SPATS2L: variants seen among roughly 807,000 people sequenced by gnomAD.
The protein encoded by SPATS2L is SPATS2-like protein.
SPATS2L carries 30 observed loss-of-function variants against 59.6 expected under a neutral mutation model. The observed-to-expected ratio is 0.50, with a 90% CI of 0.38 to 0.68. The LOEUF (loss-of-function observed/expected upper bound fraction) is 0.68. Ranked by LOEUF, SPATS2L falls within the 30% of genes least tolerant of loss-of-function variation. The pLI is 0.00. For synonymous variants in SPATS2L, 252 were observed against 263.5 expected, an observed-to-expected ratio of 0.96 and a Z score of 0.42; for missense variants, 615 against 700.0, an observed-to-expected ratio of 0.88 and a Z score of 1.37.
At chr2:200,399,369 C>T (rs1054848790) in intron 3 of SPATS2L, among the ~76,000 whole-genome samples, 1 of 152,120 alleles carries the variant, frequency 6.6e-6, no homozygotes, top group African/African-American at 2.4e-5. Flanking sequence ...CCTCAAGATT[C>T]ATCAGTGTTG....
chr2:200,394,280 T>G (rs971058834), intron 3 of SPATS2L, among the ~76,000 whole-genome samples: 1 of 152,150 alleles, frequency 6.6e-6, no homozygotes, highest in South Asian at 2.1e-4. Flanking sequence ...CACCCTGACC[T>G]TGAATGTGTC....
At chr2:200,417,602 T>C (rs968324215) in intron 5 of SPATS2L, among the ~76,000 whole-genome samples, 1 of 152,066 alleles carries the variant, frequency 6.6e-6, no homozygotes, top group South Asian at 2.1e-4. Flanking sequence ...AGGAAAATGG[T>C]CTCCCAGCCA....
chr2:200,427,842 A>G (rs1314330045), intron 6 of SPATS2L, among the ~76,000 whole-genome samples: 1 of 152,176 alleles, frequency 6.6e-6, no homozygotes, highest in Non-Finnish European at 1.5e-5. Context: ...CTTGCAAATC[A>G]AAGTATATAA....
chr2:200,419,313 G>T lies in SPATS2L; in HGVS notation c.262G>T (p.Val88Leu), dbSNP rs748119026. 6 of 1,606,400 alleles carry T rather than the reference G, an allele frequency of 3.7e-6. No individual in the cohort carries two copies. Among genetic ancestry groups the T allele is most frequent in the Middle Eastern group, 1.7e-4 (1 of 6,054 alleles). ...AGGCAACAAAGATGCTAAAGACAAGGTGGAGAGGCCTGAGGCAGGGCCCCT... is the reference window on the plus strand; with the variant it reads ...AGGCAACAAAGATGCTAAAGACAAGTTGGAGAGGCCTGAGGCAGGGCCCCT... ...HQGNKDAKDK[V>L]ERPEAGPLQP... Residue 88 changes from valine (V) to leucine (L), a missense_variant, in exon 6 of 13, where the codon GTG becomes TTG. Val to Leu is a conservative substitution (Grantham distance 32, BLOSUM62 1). Coordinates refer to ENST00000409140, the MANE Select transcript of SPATS2L (RefSeq NM_001100423.2).
intron 1 of SPATS2L, chr2:200,308,918 G>T: frequency 1.6e-6 from 1 of 634,806 alleles, no homozygotes. Flanking sequence ...TCAGTAAATA[G>T]TTTTTCTGCA....
intron 8 of SPATS2L, among the ~76,000 whole-genome samples, chr2:200,444,600 T>G (rs1005128294): frequency 1.3e-5 from 2 of 152,162 alleles, no homozygotes; most frequent in African/African-American, 4.8e-5. Flanking sequence ...TGTGAAAGCA[T>G]GTATTCTGTA....
intron 6 of SPATS2L, among the ~76,000 whole-genome samples, chr2:200,422,271 TCA>T (rs1415911875): frequency 2.0e-5 from 3 of 152,216 alleles, no homozygotes; most frequent in African/African-American, 7.2e-5. Flanking sequence ...GCTTGGTGAC[TCA>T]CACTTGTCAT....
At chr2:200,350,634 G>A (rs1201255149) in intron 2 of SPATS2L, among the ~76,000 whole-genome samples, 5 of 151,914 alleles carry the variant, frequency 3.3e-5, no homozygotes, top group South Asian at 2.1e-4. Flanking sequence ...AGCGATATTC[G>A]TGCCTCAGCC....
At chr2:200,449,272 A>G (rs1484012353) in intron 8 of SPATS2L, among the ~76,000 whole-genome samples, 1 of 152,242 alleles carries the variant, frequency 6.6e-6, no homozygotes, top group African/African-American at 2.4e-5. Flanking sequence ...TGATAAATAC[A>G]AAAAGTACTG....
chr2:200,411,393 A>G (rs899024830), intron 3 of SPATS2L, among the ~76,000 whole-genome samples: 6 of 152,198 alleles, frequency 3.9e-5, no homozygotes, highest in African/African-American at 1.4e-4. Context: ...TCTAAAACCC[A>G]CTGATCATAA....
At chr2:200,416,303 A>G (rs536320792) in intron 4 of SPATS2L, 76 bp from the exon 5 acceptor site, 28 of 641,904 alleles carry the variant, frequency 4.4e-5, no homozygotes, top group African/African-American at 4.0e-4. Flanking sequence ...TGCTACCAAG[A>G]TGGAAAGACA....
intron 8 of SPATS2L, among the ~76,000 whole-genome samples, chr2:200,445,163 A>G (rs1464652951): frequency 1.3e-5 from 2 of 151,590 alleles, no homozygotes; most frequent in African/African-American, 2.4e-5. Flanking sequence ...GAAAAAAAAA[A>G]TCAGCTAGGT....
intron 2 of SPATS2L, among the ~76,000 whole-genome samples, chr2:200,335,335 G>A (rs1187078939): frequency 1.1e-4 from 17 of 151,310 alleles, no homozygotes; most frequent in Admixed American, 4.6e-4. Flanking sequence ...CCGAGATTGC[G>A]CCACTACACT....
chr2:200,311,020 T>G (rs2079176017), intron 1 of SPATS2L, among the ~76,000 whole-genome samples: 2 of 152,260 alleles, frequency 1.3e-5, no homozygotes, highest in East Asian at 3.8e-4. Flanking sequence ...GGCACTGATG[T>G]GCCTTTTATT....
chr2:200,326,101 T>A (rs970281237), intron 1 of SPATS2L, among the ~76,000 whole-genome samples: 1 of 152,168 alleles, frequency 6.6e-6, no homozygotes, highest in Non-Finnish European at 1.5e-5. Context: ...AGTCTGAGGT[T>A]TGAACCCAAG....
intron 2 of SPATS2L, among the ~76,000 whole-genome samples, chr2:200,382,718 C>T (rs2081861784): frequency 6.6e-6 from 1 of 151,894 alleles, no homozygotes; most frequent in Non-Finnish European, 1.5e-5. Flanking sequence ...CTTCAGTTTC[C>T]ACGTATGTAA....
chr2:200,306,854 TC>T lies in SPATS2L; in HGVS notation c.-137del, dbSNP rs1191754034. The T allele has an allele frequency of 1.0e-6, 1 of 980,158 alleles. No individual in the cohort carries two copies. The highest frequency in any genetic ancestry group is 1.2e-6 in the Non-Finnish European group (1 of 827,924). 60.7% of individuals were successfully genotyped at this position (980,158 alleles called of 1,614,324 possible). A position where few individuals can be genotyped will look rare whatever the true frequency, so the allele number is the denominator to read the frequency against. On this transcript the variant is annotated 5_prime_UTR_variant, in exon 1 of 13. Coordinates refer to ENST00000409140, the MANE Select transcript of SPATS2L (RefSeq NM_001100423.2). ...CAGGGGCCGCCACCGCCGCGGCGCC[TC>T]CCCTGGCGACCGCGCCCCCGGGCCC...
At chr2:200,454,179 C>T (rs2085669781) in intron 8 of SPATS2L, among the ~76,000 whole-genome samples, 1 of 152,182 alleles carries the variant, frequency 6.6e-6, no homozygotes, top group Non-Finnish European at 1.5e-5. Flanking sequence ...GGTTTTAAAT[C>T]TTTAACATCT....
At chr2:200,385,693 T>A (rs1204520121) in intron 2 of SPATS2L, among the ~76,000 whole-genome samples, 4 of 152,024 alleles carry the variant, frequency 2.6e-5, no homozygotes, top group African/African-American at 9.7e-5. Context: ...CACTTAAACT[T>A]AAAATTTTTT....
Sources: allele counts gnomAD v4.1 joint callset (sites outside exome capture counted in the v4.1 genomes callset), GRCh38; gene constraint gnomAD v4.1.1; transcripts MANE v1.5; gene names NCBI Gene and HGNC (gene_info 2026-07-23, HGNC 2026-07-21).